Variants in LYPLAL1 observed in about 807,000 individuals in gnomAD.
LYPLAL1 encodes the protein lysophospholipase like 1, also known as lysophospholipase-like protein 1.
In LYPLAL1, 23 loss-of-function variants were observed where a neutral mutation model predicts 19.7. That is an observed-to-expected ratio of 1.17 (90% CI 0.84 to 1.65). The LOEUF is 1.65. LYPLAL1 is among the 40% of genes most tolerant of loss of function. LYPLAL1 has a pLI of 0.00. For missense variants in LYPLAL1, 355 were observed against 279.4 expected, an observed-to-expected ratio of 1.27 and a Z score of -1.93; for synonymous variants, 119 against 96.3, an observed-to-expected ratio of 1.24 and a Z score of -1.38.
chr1:219,245,178 T>A, the LYPLAL1 span, among the ~76,000 whole-genome samples: 2 of 4,518 alleles, frequency 4.4e-4, no homozygotes, highest in African/African-American at 1.7e-3. Context: ...CTTCCATCCC[T>A]TCCTTCCTTC....
chr1:219,188,620 C>A (rs571756450), intron 2 of LYPLAL1, among the ~76,000 whole-genome samples: 2 of 150,810 alleles, frequency 1.3e-5, no homozygotes, highest in Non-Finnish European at 3.0e-5. Flanking sequence ...AATGAACTTT[C>A]GATTTTATGA....
chr1:219,382,921 C>T, the LYPLAL1 span, among the ~76,000 whole-genome samples: 1 of 151,784 alleles, frequency 6.6e-6, no homozygotes, highest in Admixed American at 6.6e-5. Context: ...TAAAAATGCC[C>T]ACCTACTCGG....
chr1:219,255,533 T>G, the LYPLAL1 span, among the ~76,000 whole-genome samples: 1 of 151,900 alleles, frequency 6.6e-6, no homozygotes. Context: ...TTTAAAATCA[T>G]TTTGTCTCCC....
chr1:219,253,070 G>A, the LYPLAL1 span, among the ~76,000 whole-genome samples: 2 of 151,998 alleles, frequency 1.3e-5, no homozygotes, highest in South Asian at 4.1e-4. Flanking sequence ...TAGTTTGTGT[G>A]CATAGAGGTG....
At chr1:219,249,375 T>C in the LYPLAL1 span, among the ~76,000 whole-genome samples, 1 of 152,092 alleles carries the variant, frequency 6.6e-6, no homozygotes, top group Non-Finnish European at 1.5e-5. Flanking sequence ...TAATACTGAA[T>C]GTAATTCACT....
At chr1:219,402,929 C>T in the LYPLAL1 span, among the ~76,000 whole-genome samples, 7 of 152,076 alleles carry the variant, frequency 4.6e-5, no homozygotes, top group African/African-American at 1.7e-4. Flanking sequence ...TTCTTTCTTG[C>T]CTGAAAGTTC....
At chr1:219,183,198 A>G (rs1354088576) in intron 2 of LYPLAL1, among the ~76,000 whole-genome samples, 2 of 151,986 alleles carry the variant, frequency 1.3e-5, no homozygotes, top group Non-Finnish European at 2.9e-5. Context: ...GATGTTGCAC[A>G]CTGTTTTATG....
At chr1:219,363,981 T>G in the LYPLAL1 span, among the ~76,000 whole-genome samples, 3 of 152,144 alleles carry the variant, frequency 2.0e-5, no homozygotes, top group African/African-American at 7.2e-5. Context: ...AGGGGAAGTC[T>G]GCTGAAGGCT....
the LYPLAL1 span, among the ~76,000 whole-genome samples, chr1:219,385,530 A>C: frequency 9.5e-5 from 14 of 146,728 alleles, no homozygotes; most frequent in East Asian, 2.7e-3. Flanking sequence ...GGACTCTAAA[A>C]ATAATTTTAT....
At chr1:219,286,459 G>A in the LYPLAL1 span, among the ~76,000 whole-genome samples, 1 of 152,148 alleles carries the variant, frequency 6.6e-6, no homozygotes, top group Non-Finnish European at 1.5e-5. Flanking sequence ...TTGCAGAGGG[G>A]AGGTCAGTCA....
intron 1 of LYPLAL1, chr1:219,174,185 C>T: frequency 7.0e-7 from 1 of 1,418,872 alleles, no homozygotes; most frequent in Non-Finnish European, 9.2e-7. Context: ...TTCTATCGGG[C>T]GGTCACTGGT....
the LYPLAL1 span, among the ~76,000 whole-genome samples, chr1:219,395,455 C>G: frequency 6.6e-6 from 1 of 152,030 alleles, no homozygotes; most frequent in Non-Finnish European, 1.5e-5. Flanking sequence ...GTCCTTTGCC[C>G]ACTTTTTAGT....
the LYPLAL1 span, among the ~76,000 whole-genome samples, chr1:219,375,607 G>T: frequency 6.6e-6 from 1 of 151,152 alleles, no homozygotes; most frequent in Non-Finnish European, 1.5e-5. Flanking sequence ...GAAGAATATA[G>T]TTGAAACAAT....
At chr1:219,279,530 G>A in the LYPLAL1 span, among the ~76,000 whole-genome samples, 1 of 152,168 alleles carries the variant, frequency 6.6e-6, no homozygotes. Context: ...GAAACACAGA[G>A]TGTAGGATTT....
the LYPLAL1 span, among the ~76,000 whole-genome samples, chr1:219,348,942 T>C: frequency 3.3e-5 from 5 of 152,264 alleles, no homozygotes; most frequent in Non-Finnish European, 7.3e-5. Context: ...AGGCAATCTC[T>C]ACTATCACCA....
chr1:219,303,293 T>C, the LYPLAL1 span, among the ~76,000 whole-genome samples: 2 of 152,166 alleles, frequency 1.3e-5, no homozygotes, highest in African/African-American at 4.8e-5. Flanking sequence ...AATAGACAAG[T>C]TTTTTGCTTT....
chr1:219,207,254 T>TGGG (rs1658649610), intron 3 of LYPLAL1, among the ~76,000 whole-genome samples: 1 of 152,068 alleles, frequency 6.6e-6, no homozygotes, highest in Admixed American at 6.6e-5. Context: ...TTTTTACCCA[T>TGGG]TTTACTTAAT....
chr1:219,200,810 T>C (rs765163580), intron 3 of LYPLAL1, among the ~76,000 whole-genome samples: 13 of 152,206 alleles, frequency 8.5e-5, no homozygotes, highest in African/African-American at 2.9e-4. Flanking sequence ...TGAAGAGATA[T>C]ATATGGCAAG....
intron 3 of LYPLAL1, among the ~76,000 whole-genome samples, chr1:219,195,379 G>T (rs1657522061): frequency 6.6e-6 from 1 of 151,794 alleles, no homozygotes; most frequent in Non-Finnish European, 1.5e-5. Flanking sequence ...GAAGTGGTGT[G>T]GTGGCAATAG....
Sources: gnomAD v4.1 joint callset for allele counts (sites outside exome capture counted in the v4.1 genomes callset) on GRCh38, gnomAD v4.1.1 for gene constraint, MANE v1.5 for transcripts, NCBI Gene and HGNC (gene_info 2026-07-23, HGNC 2026-07-21) for gene names.